Variants in GRID2 observed in about 807,000 individuals in gnomAD.
GRID2 encodes the protein glutamate receptor ionotropic, delta-2.
In GRID2, 33 loss-of-function variants were observed where a neutral mutation model predicts 114.8. The ratio of observed to expected loss-of-function variants is 0.29; its 90% CI spans 0.22 to 0.38. GRID2 has a LOEUF of 0.38. GRID2 is among the 10% of genes least tolerant of loss of function. The pLI is 1.00. For missense variants in GRID2, 1,184 were observed against 1,257.7 expected (o/e 0.94, Z 0.89); for synonymous variants, 505 against 449.9 (o/e 1.12, Z -1.55).
chr4:93,515,085 C>A, intron 12 of GRID2, 131 bp from the exon 13 acceptor site: 1 of 437,222 alleles, frequency 2.3e-6, no homozygotes, highest in East Asian at 3.4e-5. Flanking sequence ...TATCAGAAAA[C>A]AATAAAATAA....
chr4:93,302,555 C>G (rs72874997), intron 8 of GRID2: 10,404 of 455,932 alleles, frequency 0.023, 912 homozygotes, highest in African/African-American at 0.19. Context: ...TACATATGTA[C>G]GCACAACTGA....
chr4:92,403,693 A>AAAATAAAT (rs58063095), intron 1 of GRID2, among the ~76,000 whole-genome samples: 56 of 139,138 alleles, frequency 4.0e-4, no homozygotes, highest in African/African-American at 1.2e-3. Context: ...CTCCATCTCA[A>AAAATAAAT]AAATAAATAA....
chr4:93,765,608 T>TAA (rs369052724), intron 14 of GRID2, among the ~76,000 whole-genome samples: 1,770 of 29,388 alleles, frequency 0.06, 30 homozygotes, highest in East Asian at 0.2. Context: ...AGGTGAGGTA[T>TAA]TATATATATA....
chr4:93,315,424 C>T (rs984693019), intron 8 of GRID2, among the ~76,000 whole-genome samples: 11 of 152,130 alleles, frequency 7.2e-5, no homozygotes, highest in Admixed American at 2.0e-4. Context: ...CCCCTGGCAA[C>T]CACCATTCTA....
intron 1 of GRID2, among the ~76,000 whole-genome samples, chr4:92,320,732 C>T (rs1454609051): frequency 6.6e-6 from 1 of 152,182 alleles, no homozygotes; most frequent in Non-Finnish European, 1.5e-5. Context: ...CCTGCCTCGG[C>T]CTCCCAAAGT....
At chr4:92,919,667 T>G (rs1578472310) in intron 2 of GRID2, among the ~76,000 whole-genome samples, 1 of 152,282 alleles carries the variant, frequency 6.6e-6, no homozygotes, top group African/African-American at 2.4e-5. Flanking sequence ...CGGTTTTGAG[T>G]GAGTTTCTTA....
chr4:93,021,645 TATA>T (rs893146612), intron 2 of GRID2, among the ~76,000 whole-genome samples: 1 of 145,192 alleles, frequency 6.9e-6, no homozygotes, highest in African/African-American at 2.5e-5. Flanking sequence ...ATATTATAAA[TATA>T]ATTATTTATA....
chr4:92,990,671 T>C (rs1754840376), intron 2 of GRID2, among the ~76,000 whole-genome samples: 1 of 151,856 alleles, frequency 6.6e-6, no homozygotes, highest in Non-Finnish European at 1.5e-5. Context: ...ACATTGCAAA[T>C]ATTATACCCT....
At chr4:93,791,946 C>T (rs1344766544) in intron 1 of GRID2, among the ~76,000 whole-genome samples, 1 of 151,934 alleles carries the variant, frequency 6.6e-6, no homozygotes, top group African/African-American at 2.4e-5. Context: ...TCATTTAAGC[C>T]CTTTAGGTTG....
chr4:93,692,942 A>G (rs1214505451), intron 14 of GRID2, among the ~76,000 whole-genome samples: 9 of 152,168 alleles, frequency 5.9e-5, no homozygotes, highest in Admixed American at 5.2e-4. Flanking sequence ...ATTGCCTACA[A>G]GTATCATTAT....
At chr4:92,944,682 A>G (rs1016001876) in intron 2 of GRID2, among the ~76,000 whole-genome samples, 3 of 152,236 alleles carry the variant, frequency 2.0e-5, no homozygotes, top group Admixed American at 6.5e-5. Flanking sequence ...AGCTGTTCCT[A>G]TTTGGCCATC....
intron 8 of GRID2, among the ~76,000 whole-genome samples, chr4:93,254,597 T>A (rs7685687): frequency 0.71 from 107,947 of 151,944 alleles, 39,223 homozygotes; most frequent in Middle Eastern, 0.86. Flanking sequence ...TTCAAGGTTG[T>A]TATGAATCTA....
chr4:93,015,305 G>A (rs1472331781), intron 2 of GRID2, among the ~76,000 whole-genome samples: 2 of 152,070 alleles, frequency 1.3e-5, no homozygotes, highest in East Asian at 1.9e-4. Flanking sequence ...TCTTGAGAAA[G>A]CAATGTTCTG....
At chr4:93,369,683 C>T (rs1762685373) in intron 8 of GRID2, among the ~76,000 whole-genome samples, 1 of 152,038 alleles carries the variant, frequency 6.6e-6, no homozygotes, top group Non-Finnish European at 1.5e-5. Context: ...GAGACAGGGT[C>T]TCTCTGTGTT....
intron 1 of GRID2, among the ~76,000 whole-genome samples, chr4:92,502,880 G>A (rs1167414885): frequency 6.6e-6 from 1 of 151,794 alleles, no homozygotes; most frequent in Non-Finnish European, 1.5e-5. Context: ...ACCACGCCCA[G>A]CTGATTTTTG....
chr4:92,871,595 T>G (rs955544375), intron 2 of GRID2, among the ~76,000 whole-genome samples: 1 of 152,182 alleles, frequency 6.6e-6, no homozygotes, highest in African/African-American at 2.4e-5. Flanking sequence ...CTGACACTCA[T>G]GAGTCAAGGA....
At chr4:92,839,746 A>T (rs1040320749) in intron 2 of GRID2, among the ~76,000 whole-genome samples, 1 of 152,040 alleles carries the variant, frequency 6.6e-6, no homozygotes, top group Non-Finnish European at 1.5e-5. Context: ...AATCTAGTCT[A>T]TTCTTTGAGA....
At chr4:92,407,763 A>G (rs1464017646) in intron 1 of GRID2, among the ~76,000 whole-genome samples, 1 of 152,030 alleles carries the variant, frequency 6.6e-6, no homozygotes, top group Non-Finnish European at 1.5e-5. Flanking sequence ...TACTTTTCCC[A>G]TTTTTAAATT....
At chr4:93,189,092 G>A (rs764071743) in intron 4 of GRID2, among the ~76,000 whole-genome samples, 3 of 152,042 alleles carry the variant, frequency 2.0e-5, no homozygotes, top group Non-Finnish European at 4.4e-5. Flanking sequence ...ATTCTCCCAG[G>A]TTCTGCCCAT....
Sources: allele counts gnomAD v4.1 joint callset (sites outside exome capture counted in the v4.1 genomes callset), GRCh38; gene constraint gnomAD v4.1.1; transcripts MANE v1.5; gene names NCBI Gene and HGNC (gene_info 2026-07-23, HGNC 2026-07-21).